Variants in CERKL observed in about 807,000 individuals in gnomAD.
CERKL encodes CERK like autophagy regulator.
CERKL carries 61 observed loss-of-function variants against 63.4 expected under a neutral mutation model. That is an observed-to-expected ratio of 0.96 (90% CI 0.78 to 1.19). The LOEUF (loss-of-function observed/expected upper bound fraction) is 1.19, where lower values mean the gene tolerates loss of function less well. Ranked by LOEUF, CERKL falls within the 50% of genes most tolerant of loss-of-function variation. The pLI, the probability that CERKL is intolerant of heterozygous loss-of-function variation, is 0.00. For synonymous variants in CERKL, 250 were observed against 230.5 expected (o/e 1.08, Z -0.77); for missense variants, 675 against 655.5 (o/e 1.03, Z -0.33).
chr2:181,593,400 G>A (rs141721378), intron 2 of CERKL, among the ~76,000 whole-genome samples: 2 of 152,114 alleles, frequency 1.3e-5, no homozygotes, highest in East Asian at 1.9e-4. Flanking sequence ...AGTTTAAAGA[G>A]CTTCAAAATA....
intron 11 of CERKL, 75 bp from the exon 12 acceptor site, chr2:181,539,339 C>T: frequency 1.1e-6 from 1 of 927,154 alleles, no homozygotes; most frequent in Non-Finnish European, 1.8e-6. Flanking sequence ...TCACTGAGCC[C>T]TCTCTCACAA....
intron 1 of CERKL, among the ~76,000 whole-genome samples, chr2:181,620,230 C>G (rs1686388835): frequency 6.6e-6 from 1 of 152,058 alleles, no homozygotes; most frequent in Non-Finnish European, 1.5e-5. Context: ...GGTAAAGACC[C>G]TTACATACAG....
intron 2 of CERKL, among the ~76,000 whole-genome samples, chr2:181,583,809 T>C (rs1684640381): frequency 1.3e-5 from 2 of 152,206 alleles, no homozygotes. Flanking sequence ...ACAGTTTAAA[T>C]GTAATTAGTT....
intron 1 of CERKL, among the ~76,000 whole-genome samples, chr2:181,624,924 G>C (rs1195731067): frequency 6.6e-6 from 1 of 152,176 alleles, no homozygotes. Flanking sequence ...TATTTAAGTA[G>C]AAGATTTATA....
At chr2:181,640,414 G>A (rs535533110) in intron 1 of CERKL, among the ~76,000 whole-genome samples, 1 of 152,164 alleles carries the variant, frequency 6.6e-6, no homozygotes, top group Non-Finnish European at 1.5e-5. Context: ...TAAAACTTGG[G>A]TAGGAATACG....
chr2:181,567,616 T>C (rs1477373344), intron 3 of CERKL, among the ~76,000 whole-genome samples: 2 of 152,018 alleles, frequency 1.3e-5, no homozygotes, highest in African/African-American at 4.8e-5. Flanking sequence ...AGAAACAAAA[T>C]GAAAAGAACC....
At chr2:181,548,045 A>C in intron 8 of CERKL, 198 bp from the exon 9 acceptor site, 1 of 618,516 alleles carries the variant, frequency 1.6e-6, no homozygotes, top group Non-Finnish European at 2.8e-6. Flanking sequence ...TTTAAAGGTA[A>C]ACTAGTATTA....
chr2:181,656,847 T>C lies in CERKL; in HGVS notation c.160A>G (p.Ile54Val), dbSNP rs1688190035. The C allele has an allele frequency of 6.2e-7, 1 of 1,604,858 alleles. No homozygotes were observed. Among genetic ancestry groups the C allele is most frequent in the Non-Finnish European group, 8.5e-7 (1 of 1,173,948 alleles). The change falls in exon 1 of 13, where the codon ATC (isoleucine) becomes GTC (valine). Residue 54 changes from isoleucine to valine, a missense_variant. Coordinates refer to ENST00000410087, the MANE Select transcript of CERKL (RefSeq NM_201548.5). ...ERILLRGIFE[I>V]GRDSCDVVLS... is the part of the protein sequence containing the mutation. ...ACCACGTCACAACTGTCCCTCCCGA[T>C]CTCGAAGATGCCCCGGAGCAGAATC...
chr2:181,630,159 T>C (rs1454088569), intron 1 of CERKL, among the ~76,000 whole-genome samples: 1 of 151,950 alleles, frequency 6.6e-6, no homozygotes, highest in Non-Finnish European at 1.5e-5. Flanking sequence ...AGCCTCACCC[T>C]CTTGAGTAGG....
intron 2 of CERKL, among the ~76,000 whole-genome samples, chr2:181,578,637 A>G (rs1684366232): frequency 6.6e-6 from 1 of 151,910 alleles, no homozygotes; most frequent in Admixed American, 6.6e-5. Flanking sequence ...AAATGCACGT[A>G]TATTCTACAG....
chr2:181,553,306 T>C (rs1197805387), intron 5 of CERKL, among the ~76,000 whole-genome samples: 3 of 152,106 alleles, frequency 2.0e-5, no homozygotes, highest in South Asian at 2.1e-4. Context: ...AGTCAATCCA[T>C]TGTGCTTCCC....
intron 2 of CERKL, among the ~76,000 whole-genome samples, chr2:181,597,297 G>A (rs938159581): frequency 6.6e-6 from 1 of 152,034 alleles, no homozygotes; most frequent in African/African-American, 2.4e-5. Context: ...ATTTTCTTTT[G>A]TTAACAATCC....
chr2:181,577,406 A>G (rs530983654), intron 2 of CERKL, among the ~76,000 whole-genome samples: 1 of 152,266 alleles, frequency 6.6e-6, no homozygotes, highest in East Asian at 1.9e-4. Flanking sequence ...AATTTAAGTG[A>G]GATGGAAGGA....
Position 181,537,827 on chromosome 2 carries a change from GT to G in CERKL, c.*356del. On this transcript the variant is annotated 3_prime_UTR_variant, in exon 13 of 13. Coordinates refer to ENST00000410087, the MANE Select transcript of CERKL (RefSeq NM_201548.5). ...TTAAAGCCCTAGAGGCTAATTGTTAGTAACATCAATTTCTATTAGGATATCC... is the reference window on the plus strand; with the variant it reads ...TTAAAGCCCTAGAGGCTAATTGTTAGAACATCAATTTCTATTAGGATATCC... 1 of 481,360 alleles carries G rather than the reference GT, an allele frequency of 2.1e-6. No individual in the cohort carries two copies. The highest frequency in any genetic ancestry group is 4.1e-6 in the Non-Finnish European group (1 of 245,142). The allele number at this position is 481,360 out of a possible 1,614,324, so 29.8% of individuals were successfully genotyped here.
rs1210539710 is a variant in CERKL, at chr2:181,656,806, T to TGCTC, written c.197_200dup (p.Leu68SerfsTer15). On this transcript the variant is annotated frameshift_variant, in exon 1 of 13. Coordinates refer to ENST00000410087, the MANE Select transcript of CERKL (RefSeq NM_201548.5). LOFTEE classifies it high-confidence loss of function. ...CGGGCTGAATGGGCCGCCACCGCAGTGCTCGCTCGCTCAGCACCACGTCAC... is the reference window on the plus strand; with the variant it reads ...CGGGCTGAATGGGCCGCCACCGCAGTGCTCGCTCGCTCGCTCAGCACCACGTCAC... 5 of 1,596,508 alleles carry TGCTC rather than the reference T, an allele frequency of 3.1e-6. No individual in the cohort carries two copies. Among genetic ancestry groups the TGCTC allele is most frequent in the Non-Finnish European group, 4.3e-6 (5 of 1,168,928 alleles).
At chr2:181,583,283 A>G (rs1684616917) in intron 2 of CERKL, among the ~76,000 whole-genome samples, 1 of 152,188 alleles carries the variant, frequency 6.6e-6, no homozygotes. Context: ...TGAAAACTAG[A>G]TATCTCTTCC....
chr2:181,602,261 C>T (rs534915092), intron 2 of CERKL, among the ~76,000 whole-genome samples: 62 of 152,270 alleles, frequency 4.1e-4, no homozygotes, highest in Non-Finnish European at 7.4e-4. Flanking sequence ...ACCTTAAGCG[C>T]AAGAATGAGC....
rs1401408174 is a variant in CERKL at position 181,584,816 on chromosome 2, GT to G, written c.482-10933del. 3.3e-5 allele frequency among the ~76,000 whole-genome samples: 5 copies of G among 150,634 alleles called. No individual in the cohort carries two copies. The East Asian group carries it at 7.8e-4, about 24-fold the overall frequency. On this transcript the variant is annotated intron_variant, in intron 2 of 12. Coordinates refer to ENST00000410087, the MANE Select transcript of CERKL (RefSeq NM_201548.5). ...ATTAAAATCCCCAAATAGCTCCCCG[GT>G]TTTTTTTGTTTTTGTTTTTGTTTTT...
chr2:181,605,382 C>T (rs1259658770), intron 1 of CERKL, among the ~76,000 whole-genome samples: 2 of 152,174 alleles, frequency 1.3e-5, no homozygotes, highest in South Asian at 2.1e-4. Context: ...TATTGATCAG[C>T]AGATGTACAA....
Sources: allele counts gnomAD v4.1 joint callset (sites outside exome capture counted in the v4.1 genomes callset), GRCh38; gene constraint gnomAD v4.1.1; transcripts MANE v1.5; gene names NCBI Gene and HGNC (gene_info 2026-07-23, HGNC 2026-07-21).